CRHR1: variants seen among roughly 807,000 people sequenced by gnomAD.
The protein encoded by CRHR1 is corticotropin-releasing hormone receptor 1.
Under a neutral mutation model 56.0 loss-of-function variants are expected in CRHR1, and 28 were observed. The ratio of observed to expected loss-of-function variants is 0.50; its 90% confidence interval spans 0.37 to 0.69. The LOEUF is 0.69. CRHR1 is among the 30% of genes least tolerant of loss of function. The pLI is 0.00. For synonymous variants in CRHR1, 195 were observed against 216.5 expected (o/e 0.90, Z 0.87); for missense variants, 376 against 548.0 (o/e 0.69, Z 3.13).
intron 4 of CRHR1, chr17:45,825,469 C>G: frequency 6.5e-6 from 1 of 154,636 alleles, no homozygotes; most frequent in Middle Eastern, 5.2e-4. Context: ...CCTTTCCCCA[C>G]GTTCTGCTGC....
At chr17:45,816,232 G>A (rs1027475625) in intron 2 of CRHR1, among the ~76,000 whole-genome samples, 2 of 152,158 alleles carry the variant, frequency 1.3e-5, no homozygotes, top group African/African-American at 4.8e-5. Flanking sequence ...CCTCTGCTCT[G>A]GAACCCATGC....
intron 1 of CRHR1, among the ~76,000 whole-genome samples, chr17:45,790,621 G>A (rs1364773252): frequency 6.6e-6 from 1 of 152,222 alleles, no homozygotes; most frequent in African/African-American, 2.4e-5. Flanking sequence ...CCTCAGCGAG[G>A]TGCTTTGAGA....
intron 7 of CRHR1, 66 bp downstream of exon 7, chr17:45,830,636 C>T (rs1489779856): frequency 6.5e-7 from 1 of 1,539,668 alleles, no homozygotes; most frequent in Admixed American, 1.8e-5. Flanking sequence ...CTCCTCCAGA[C>T]TCAGGCCAGC....
At chr17:45,831,717 G>T (rs1265194300) in intron 8 of CRHR1, among the ~76,000 whole-genome samples, 1 of 152,200 alleles carries the variant, frequency 6.6e-6, no homozygotes, top group Non-Finnish European at 1.5e-5. Flanking sequence ...CTGAGAGAGA[G>T]CGGGGCAGAA....
At chr17:45,791,287 G>C (rs2061420850) in intron 1 of CRHR1, among the ~76,000 whole-genome samples, 1 of 152,166 alleles carries the variant, frequency 6.6e-6, no homozygotes, top group Non-Finnish European at 1.5e-5. Context: ...TGGGGAAAGG[G>C]CTTTAGGAGA....
intron 4 of CRHR1, among the ~76,000 whole-genome samples, chr17:45,828,115 T>G (rs17763086): frequency 0.14 from 21,956 of 152,234 alleles, 2,147 homozygotes; most frequent in Middle Eastern, 0.22. Flanking sequence ...CACACTGCTT[T>G]GGAGTTTGAC....
At chr17:45,809,173 G>A (rs1360998796) in intron 2 of CRHR1, among the ~76,000 whole-genome samples, 2 of 152,202 alleles carry the variant, frequency 1.3e-5, no homozygotes, top group Non-Finnish European at 2.9e-5. Flanking sequence ...TGGGTTTGGC[G>A]GAAGGACCAG....
At position 45,784,932 on chromosome 17, in the gene CRHR1, C is replaced by A. The variant is rs1308004023; in HGVS notation, c.33+355C>A. On this transcript the variant is annotated intron_variant, in intron 1 of 12. Coordinates refer to ENST00000314537, the MANE Select transcript of CRHR1 (RefSeq NM_004382.5). This position sits in a 1 kb window ranked among gnomAD's most constrained non-coding sequence, Gnocchi z 4.2. ...CCCACGCCCTTCCTGCAGACCTCGGCCCCGGGACTGGAGACTCTGAAGCGG... is the reference window on the plus strand; with the variant it reads ...CCCACGCCCTTCCTGCAGACCTCGGACCCGGGACTGGAGACTCTGAAGCGG... Among the ~76,000 whole-genome samples the A allele has an allele frequency of 6.6e-6, 1 of 152,136 alleles. No homozygotes were observed. The highest frequency in any genetic ancestry group is 1.5e-5 in the Non-Finnish European group (1 of 68,020).
chr17:45,812,000 T>C (rs2061833603), intron 2 of CRHR1, among the ~76,000 whole-genome samples: 1 of 152,158 alleles, frequency 6.6e-6, no homozygotes, highest in Non-Finnish European at 1.5e-5. Context: ...TTGGTATCCA[T>C]GGGGCACTGG....
chr17:45,803,734 G>A (rs558630425), intron 1 of CRHR1, among the ~76,000 whole-genome samples: 2 of 151,806 alleles, frequency 1.3e-5, no homozygotes, highest in Admixed American at 6.6e-5. Flanking sequence ...GGCTCTGGGA[G>A]CCCTAGTTTG....
chr17:45,834,473 A>T, intron 12 of CRHR1, 151 bp from the exon 13 acceptor site: 1 of 836,776 alleles, frequency 1.2e-6, no homozygotes. Flanking sequence ...CAGTCGTGTT[A>T]AGGCTGTGAG....
At chr17:45,804,815 A>G (rs531082842) in intron 1 of CRHR1, among the ~76,000 whole-genome samples, 1 of 49,042 alleles carries the variant, frequency 2.0e-5, no homozygotes. Context: ...ATCGCAATAG[A>G]TAATTTTTTT....
Position 45,834,939 on chromosome 17 carries a change from T to G in CRHR1, c.*175T>G. The G allele has an allele frequency of 5.9e-6, 5 of 847,508 alleles. No individual in the cohort carries two copies. The highest frequency in any genetic ancestry group is 8.9e-6 in the Non-Finnish European group (5 of 560,222). 52.5% of individuals were successfully genotyped at this position (847,508 alleles called of 1,614,324 possible). A position where few individuals can be genotyped will look rare whatever the true frequency, so the allele number is the denominator to read the frequency against. On this transcript the variant is annotated 3_prime_UTR_variant, in exon 13 of 13. Transcript: ENST00000314537. Reference sequence around the variant, plus strand: ...CTCCCCCTGCAGCCGTGCAGGACTCTAGCTCATGAGTGGAAAGTCACCTAC... The same window carrying G: ...CTCCCCCTGCAGCCGTGCAGGACTCGAGCTCATGAGTGGAAAGTCACCTAC...
chr17:45,834,148 C>A, intron 12 of CRHR1, 100 bp downstream of exon 12: 3 of 1,447,606 alleles, frequency 2.1e-6, no homozygotes, highest in Non-Finnish European at 2.9e-6. Context: ...GGCTGCCTCT[C>A]TCCCTCCCTG....
chr17:45,821,853 C>T lies in CRHR1; in HGVS notation c.327+413C>T, dbSNP rs538806531. Among the ~76,000 whole-genome samples, 13 of 152,278 alleles carry T rather than the reference C, an allele frequency of 8.5e-5. No homozygotes were observed. In the South Asian group the frequency reaches 1.2e-3, roughly 15 times the overall value. On this transcript the variant is annotated intron_variant, in intron 4 of 12. Coordinates refer to ENST00000314537, the MANE Select transcript of CRHR1 (RefSeq NM_004382.5). ...CACAGGGCTGTATGGAAACCAGGGA[C>T]GGGATGGAGGTAGCAATGCAGTTTG...
At position 45,784,403 on chromosome 17, in the gene CRHR1, G is replaced by A. The variant is rs1391543035; in HGVS notation, c.-142G>A. ...CCGGGCCGCGGGGCCGGGAAGCGCC[G>A]AGCCGGGCATCTCCTCACCAGGCAG... On this transcript the variant is annotated 5_prime_UTR_variant, in exon 1 of 13. Coordinates refer to ENST00000314537, the MANE Select transcript of CRHR1 (RefSeq NM_004382.5). This position sits in a 1 kb window ranked among gnomAD's most constrained non-coding sequence, Gnocchi z 4.2. The A allele has an allele frequency of 1.7e-6, 1 of 590,304 alleles. No individual in the cohort carries two copies. The allele number at this position is 590,304 out of a possible 1,614,324, so 36.6% of individuals were successfully genotyped here. A position where few individuals can be genotyped will look rare whatever the true frequency, so the allele number is the denominator to read the frequency against.
intron 4 of CRHR1, among the ~76,000 whole-genome samples, chr17:45,822,911 C>T (rs1032342382): frequency 6.6e-6 from 1 of 151,230 alleles, no homozygotes; most frequent in South Asian, 2.1e-4. Flanking sequence ...TTTGGGAGGA[C>T]GAGGCAGGCA....
intron 2 of CRHR1, among the ~76,000 whole-genome samples, chr17:45,812,665 C>T (rs1350403203): frequency 6.6e-6 from 1 of 152,150 alleles, no homozygotes; most frequent in African/African-American, 2.4e-5. Flanking sequence ...CCTCTCTGTC[C>T]CCAGCACCTG....
chr17:45,789,212 T>C (rs1010686827), intron 1 of CRHR1, among the ~76,000 whole-genome samples: 2 of 152,218 alleles, frequency 1.3e-5, no homozygotes, highest in African/African-American at 4.8e-5. Context: ...CTACCCTAAC[T>C]GCTCACGGTA....
Sources: gnomAD v4.1 joint callset for allele counts (sites outside exome capture counted in the v4.1 genomes callset) on GRCh38, gnomAD v4.1.1 for gene constraint, Gnocchi (gnomAD v3.1) non-coding constraint, MANE v1.5 for transcripts, NCBI Gene and HGNC (gene_info 2026-07-23, HGNC 2026-07-21) for gene names.